Variants in ITSN1 observed in about 807,000 individuals in gnomAD.
ITSN1 encodes intersectin 1, also known as intersectin-1.
In ITSN1, 58 loss-of-function variants were observed where a neutral mutation model predicts 239.8. That is an observed-to-expected ratio of 0.24 (90% CI 0.20 to 0.30). The LOEUF is 0.30. ITSN1 is among the 10% of genes least tolerant of loss of function. The pLI is 1.00. For synonymous variants in ITSN1, 780 were observed against 770.8 expected, an observed-to-expected ratio of 1.01 and a Z score of -0.20; for missense variants, 1,558 against 2,103.3, an observed-to-expected ratio of 0.74 and a Z score of 5.07.
rs890880056 is a variant in ITSN1, at chr21:33,895,464, CGTGTGT to C, written c.*7168_*7173del. 2.1e-5 allele frequency: 3 copies of C among 142,030 alleles called. No individual in the cohort carries two copies. The highest frequency in any genetic ancestry group is 5.2e-5 in the African/African-American group (2 of 38,334). The allele number at this position is 142,030 out of a possible 1,614,324, so 8.8% of individuals were successfully genotyped here. A position where few individuals can be genotyped will look rare whatever the true frequency, so the allele number is the denominator to read the frequency against. On this transcript the variant is annotated 3_prime_UTR_variant, in exon 40 of 40. Transcript: ENST00000381318. ...GTATGTGTTTGTGCGTGCACGTGTG[CGTGTGT>C]GTGCATGGGTTTGCGTGCATGCATG...
intron 20 of ITSN1, among the ~76,000 whole-genome samples, chr21:33,805,062 C>T (rs939751250): frequency 3.3e-5 from 5 of 152,156 alleles, no homozygotes; most frequent in Non-Finnish European, 5.9e-5. Context: ...TGCCAGGGCT[C>T]ATCCCCAGAG....
At chr21:33,726,495 T>C (rs1448074936) in intron 4 of ITSN1, among the ~76,000 whole-genome samples, 2 of 151,672 alleles carry the variant, frequency 1.3e-5, no homozygotes, top group African/African-American at 4.9e-5. Flanking sequence ...GGGAAGAAGA[T>C]AATTTTTTGC....
intron 1 of ITSN1, among the ~76,000 whole-genome samples, chr21:33,646,347 C>T (rs1408251157): frequency 2.6e-5 from 4 of 152,268 alleles, no homozygotes; most frequent in Non-Finnish European, 5.9e-5. Context: ...AATCATATAT[C>T]AAACTTATAT....
intron 29 of ITSN1, among the ~76,000 whole-genome samples, chr21:33,849,081 A>C (rs564300132): frequency 1.5e-4 from 23 of 152,004 alleles, no homozygotes; most frequent in African/African-American, 5.3e-4. Flanking sequence ...TCTCTACTAA[A>C]AATACAAAAA....
intron 4 of ITSN1, among the ~76,000 whole-genome samples, chr21:33,724,732 T>C (rs2065714435): frequency 6.6e-6 from 1 of 152,190 alleles, no homozygotes; most frequent in Non-Finnish European, 1.5e-5. Flanking sequence ...GGCAGTCTAG[T>C]GGAGGGAGAC....
intron 1 of ITSN1, among the ~76,000 whole-genome samples, chr21:33,647,899 T>C (rs2088126351): frequency 6.6e-6 from 1 of 152,268 alleles, no homozygotes; most frequent in Non-Finnish European, 1.5e-5. Context: ...CTTCTACATA[T>C]GTCTCTGAAT....
intron 7 of ITSN1, 37 bp from the exon 8 acceptor site, chr21:33,755,260 G>T (rs767024940): frequency 2.3e-6 from 3 of 1,294,566 alleles, no homozygotes; most frequent in Non-Finnish European, 3.3e-6. Context: ...GTTCCTTATG[G>T]ATAATCCTCT....
At chr21:33,756,940 A>G (rs1569109769) in intron 8 of ITSN1, 3 of 151,824 alleles carry the variant, frequency 2.0e-5, no homozygotes, top group Non-Finnish European at 4.4e-5. Context: ...CTAATTTTGT[A>G]TTTTTAGTAG....
rs1408816815 is a variant in ITSN1, at chr21:33,894,792, C to A, written c.*6492C>A. On this transcript the variant is annotated 3_prime_UTR_variant, in exon 40 of 40. Transcript: ENST00000381318. ...ATCTAAACAGAATGGGGGCCTCAGG[C>A]AGACAGGAACCAAAGAAAGGGTGTA... The A allele has an allele frequency of 6.6e-6, 1 of 152,212 alleles. No homozygotes were observed. The highest frequency in any genetic ancestry group is 2.4e-5 in the African/African-American group (1 of 41,448). The allele number at this position is 152,212 out of a possible 1,614,324, so 9.4% of individuals were successfully genotyped here.
At chr21:33,887,036 C>T (rs370354106) in intron 39 of ITSN1, among the ~76,000 whole-genome samples, 36 of 152,100 alleles carry the variant, frequency 2.4e-4, no homozygotes, top group African/African-American at 8.0e-4. Context: ...TAAAAATCAC[C>T]GGTGGGCATG....
rs775884476 is a variant in ITSN1 at position 33,811,134 on chromosome 21, C to T, written c.2479C>T (p.Leu827=). The T allele has an allele frequency of 5.6e-6, 9 of 1,613,078 alleles. No individual in the cohort carries two copies. The Admixed American group carries it at 1.3e-4, about 24-fold the overall frequency. Residue 827 remains leucine, a synonymous_variant, in exon 21 of 40, where the codon CTG becomes TTG. Transcript: ENST00000381318. ...TTCAACATCTGCCCCTGCCCCCAAA[C>T]TGGCCTTGCGTGAGACCCCCGCCCC... The part of the protein sequence containing the change: ...TDSTSAPAPK[L]ALRETPAPLA...
rs1315027349 is a variant in ITSN1, at chr21:33,882,516, C to T, written c.4554+61C>T. ...GACGTGTTTGGGGAGGAAGAAGTTT[C>T]CAAAAAGGAGGTAGAGTTTTAGCAG... On this transcript the variant is annotated intron_variant, in intron 35 of 39. Transcript: ENST00000381318. This position sits in a 1 kb window ranked among gnomAD's most constrained non-coding sequence, Gnocchi z 4.5. 1.4e-6 allele frequency: 2 copies of T among 1,457,474 alleles called. No homozygotes were observed. The highest frequency in any genetic ancestry group is 1.9e-6 in the Non-Finnish European group (2 of 1,055,742). 90.3% of individuals were successfully genotyped at this position (1,457,474 alleles called of 1,614,324 possible).
chr21:33,879,973 T>A (rs1323392384), intron 34 of ITSN1, among the ~76,000 whole-genome samples: 1 of 152,216 alleles, frequency 6.6e-6, no homozygotes, highest in African/African-American at 2.4e-5. Context: ...ATCCACTGCA[T>A]CCAGCCTAGT....
rs753109012 is a variant in ITSN1 at position 33,817,431 on chromosome 21, T to C, written c.2728-836T>C. 1.9e-5 allele frequency: 25 copies of C among 1,304,326 alleles called. No individual in the cohort carries two copies. In the South Asian group the frequency reaches 3.0e-4, roughly 15 times the overall value. 80.8% of individuals were successfully genotyped at this position (1,304,326 alleles called of 1,614,324 possible). A position where few individuals can be genotyped will look rare whatever the true frequency, so the allele number is the denominator to read the frequency against. On this transcript the variant is annotated intron_variant, in intron 22 of 39. Transcript: ENST00000381318. Reference sequence around the variant, plus strand: ...GGCCCATCTCAGATGCTGCCCCCTCTGTGAAATTTACGCTGATGCCCCCAG... The same window carrying C: ...GGCCCATCTCAGATGCTGCCCCCTCCGTGAAATTTACGCTGATGCCCCCAG...
chr21:33,774,916 G>C, intron 13 of ITSN1, 38 bp downstream of exon 13: 3 of 1,604,098 alleles, frequency 1.9e-6, no homozygotes, highest in Non-Finnish European at 2.6e-6. Flanking sequence ...AATATACTAA[G>C]ATGGAACCAT....
intron 1 of ITSN1, among the ~76,000 whole-genome samples, chr21:33,656,456 A>G (rs1007180733): frequency 3.3e-5 from 5 of 152,206 alleles, no homozygotes; most frequent in African/African-American, 1.2e-4. Flanking sequence ...AACCAATACT[A>G]CAGACATTCA....
At chr21:33,646,337 A>G (rs2087948606) in intron 1 of ITSN1, among the ~76,000 whole-genome samples, 1 of 152,242 alleles carries the variant, frequency 6.6e-6, no homozygotes, top group African/African-American at 2.4e-5. Flanking sequence ...TGTAGTGGTA[A>G]ATCATATATC....
At chr21:33,832,150 C>T (rs935130237) in intron 27 of ITSN1, among the ~76,000 whole-genome samples, 4 of 152,166 alleles carry the variant, frequency 2.6e-5, no homozygotes, top group Non-Finnish European at 4.4e-5. Flanking sequence ...AACACCAGCA[C>T]CCCCTGCTCT....
intron 1 of ITSN1, among the ~76,000 whole-genome samples, chr21:33,680,778 A>T (rs1442138408): frequency 6.6e-6 from 1 of 152,226 alleles, no homozygotes; most frequent in Non-Finnish European, 1.5e-5. Context: ...GGACCAAATT[A>T]TCCTCATCTA....
Sources: gnomAD v4.1 joint callset for allele counts (sites outside exome capture counted in the v4.1 genomes callset) on GRCh38, gnomAD v4.1.1 for gene constraint, Gnocchi (gnomAD v3.1) non-coding constraint, MANE v1.5 for transcripts, NCBI Gene and HGNC (gene_info 2026-07-23, HGNC 2026-07-21) for gene names.